PTPA: variants seen among roughly 807,000 people sequenced by gnomAD.
The protein encoded by PTPA is protein phosphatase 2 phosphatase activator, also known as serine/threonine-protein phosphatase 2A activator.
PTPA carries 13 observed loss-of-function variants against 43.6 expected under a neutral mutation model. The ratio of observed to expected loss-of-function variants is 0.30; its 90% CI spans 0.19 to 0.47. The LOEUF (loss-of-function observed/expected upper bound fraction) is 0.47. Ranked by LOEUF, PTPA falls within the 20% of genes least tolerant of loss-of-function variation. The pLI is 0.99. For synonymous variants in PTPA, 172 were observed against 158.2 expected, an observed-to-expected ratio of 1.09 and a Z score of -0.66; for missense variants, 329 against 411.9, an observed-to-expected ratio of 0.80 and a Z score of 1.74.
intron 9 of PTPA, among the ~76,000 whole-genome samples, chr9:129,146,843 C>T (rs936004398): frequency 6.6e-6 from 1 of 152,220 alleles, no homozygotes; most frequent in South Asian, 2.1e-4. Flanking sequence ...TCTTTTTCCC[C>T]TGCCCCCCAC....
intron 1 of PTPA, among the ~76,000 whole-genome samples, chr9:129,117,676 A>G (rs1231494830): frequency 6.8e-6 from 1 of 147,496 alleles, no homozygotes; most frequent in Non-Finnish European, 1.5e-5. Context: ...AAGTGTTGGG[A>G]TTACAGGTGT....
Position 129,136,523 on chromosome 9 carries a change from G to C in PTPA, c.613G>C (p.Gly205Arg). The C allele has an allele frequency of 6.2e-7, 1 of 1,613,912 alleles. No homozygotes were observed. The highest frequency in any genetic ancestry group is 8.5e-7 in the Non-Finnish European group (1 of 1,179,866). ...LQKTYRMEPA[G>R]SQGVWGLDDF... ...GAAAACATACAGGATGGAGCCAGCC[G>C]GCAGCCAGGGAGTGTGGGGTCTGGA... The change falls in exon 7 of 10, where the codon GGC (glycine) becomes CGC (arginine). Residue 205 changes from glycine to arginine, a missense_variant. By Grantham distance (125) the Gly-to-Arg change is moderately radical. Transcript: ENST00000393370.
chr9:129,141,823 G>GC (rs1159000843), intron 8 of PTPA: 1 of 152,298 alleles, frequency 6.6e-6, no homozygotes, highest in African/African-American at 2.4e-5. Flanking sequence ...TGCATGGCAG[G>GC]CAGAGGGCTG....
chr9:129,146,685 C>G (rs1401887413), intron 9 of PTPA, among the ~76,000 whole-genome samples: 1 of 152,204 alleles, frequency 6.6e-6, no homozygotes, highest in African/African-American at 2.4e-5. Context: ...CAGCTGGAAG[C>G]TGGGGTTGGC....
intron 3 of PTPA, among the ~76,000 whole-genome samples, chr9:129,126,819 G>A (rs1016732479): frequency 6.6e-6 from 1 of 152,092 alleles, no homozygotes; most frequent in Admixed American, 6.6e-5. Flanking sequence ...CATTCAAAAA[G>A]CCCTCTCCTG....
intron 5 of PTPA, among the ~76,000 whole-genome samples, chr9:129,134,296 CTTTTTTTTTTTTTT>C (rs68089837): frequency 3.5e-5 from 2 of 56,888 alleles, no homozygotes; most frequent in Admixed American, 2.7e-4. Flanking sequence ...ACTGGTAGTT[CTTTTTTTTTTTTTT>C]TTTTTTTTTT....
intron 3 of PTPA, among the ~76,000 whole-genome samples, chr9:129,127,752 C>T (rs1849673614): frequency 6.6e-6 from 1 of 152,160 alleles, no homozygotes; most frequent in African/African-American, 2.4e-5. Flanking sequence ...AACTCTGCCA[C>T]CCTACAAAGC....
intron 1 of PTPA, chr9:129,119,788 G>T (rs10819469): frequency 0.69 from 105,374 of 152,022 alleles, 36,646 homozygotes; most frequent in Non-Finnish European, 0.7. Flanking sequence ...TCTGCTCTGG[G>T]GGGGAGAGGG....
In PTPA at chr9:129,141,549, G is replaced by C. The variant is rs568750106; in HGVS notation, c.787-896G>C. The C allele has an allele frequency of 3.9e-5, 6 of 152,432 alleles. No homozygotes were observed. In the South Asian group the frequency reaches 8.3e-4, roughly 21 times the overall value. The allele number at this position is 152,432 out of a possible 1,614,324, so 9.4% of individuals were successfully genotyped here. On this transcript the variant is annotated intron_variant, in intron 8 of 9. Transcript: ENST00000393370. ...TAATAAATACAAATGTGCTGGACTT[G>C]CGGTGTCAGGGGGATATGCTCAGGC...
chr9:129,145,592 C>T (rs1169051029), intron 9 of PTPA, among the ~76,000 whole-genome samples: 1 of 152,090 alleles, frequency 6.6e-6, no homozygotes, highest in East Asian at 1.9e-4. Flanking sequence ...GGGGAGTCAG[C>T]CTCCTGGGCT....
At position 129,142,948 on chromosome 9, in the gene PTPA, G is replaced by A. The variant is rs932069689; in HGVS notation, c.894+396G>A. 19 of 1,412,322 alleles carry A rather than the reference G, an allele frequency of 1.3e-5. No individual in the cohort carries two copies. The Admixed American group carries it at 5.2e-4, about 39-fold the overall frequency. The allele number at this position is 1,412,322 out of a possible 1,614,324, so 87.5% of individuals were successfully genotyped here. ...CTGGGAAGGGTCTTACCCTTTGGAG[G>A]CATCTCCAAAGTGCTGCCTTCAAAT... On this transcript the variant is annotated intron_variant, in intron 9 of 9. Coordinates refer to ENST00000393370, the MANE Select transcript of PTPA (RefSeq NM_178000.3).
At chr9:129,142,805 G>C in intron 9 of PTPA, 3 of 1,535,684 alleles carry the variant, frequency 2.0e-6, no homozygotes, top group Non-Finnish European at 2.6e-6. Context: ...CTTGGAGGCT[G>C]AGGCAAGGAC....
chr9:129,142,254 T>C (rs1189244711), intron 8 of PTPA, 191 bp from the exon 9 acceptor site: 2 of 480,738 alleles, frequency 4.2e-6, no homozygotes, highest in East Asian at 3.3e-5. Flanking sequence ...GGCACTTGCA[T>C]GTGCCTGTTT....
chr9:129,127,877 T>A, intron 3 of PTPA: 1 of 896,298 alleles, frequency 1.1e-6, no homozygotes, highest in South Asian at 1.4e-5. Flanking sequence ...CATTTAACAG[T>A]GAGGAATTAA....
intron 9 of PTPA, 79 bp from the exon 10 acceptor site, chr9:129,147,308 G>A: frequency 7.0e-7 from 1 of 1,435,616 alleles, no homozygotes; most frequent in South Asian, 1.2e-5. Flanking sequence ...GGACACCTGG[G>A]AGCTGCTGCG....
chr9:129,121,014 C>T (rs377193817), intron 2 of PTPA, among the ~76,000 whole-genome samples: 1 of 152,160 alleles, frequency 6.6e-6, no homozygotes, highest in Admixed American at 6.5e-5. Context: ...AAACTTTGGC[C>T]AGGGATATGG....
chr9:129,129,660 G>A (rs183687032), intron 4 of PTPA, among the ~76,000 whole-genome samples: 4 of 151,946 alleles, frequency 2.6e-5, no homozygotes, highest in East Asian at 3.9e-4. Context: ...TCGTAGAGAC[G>A]GGGTTTCACC....
chr9:129,130,583 G>C (rs990186661), intron 4 of PTPA, among the ~76,000 whole-genome samples: 8 of 152,022 alleles, frequency 5.3e-5, no homozygotes, highest in African/African-American at 1.7e-4. Context: ...AGTAGAGACG[G>C]GGTTTCATCA....
chr9:129,127,985 G>GT (rs1849690274), intron 3 of PTPA: 1 of 1,340,184 alleles, frequency 7.5e-7, no homozygotes, highest in African/African-American at 1.5e-5. Context: ...GGTTCATGAG[G>GT]AAAAGGAGCA....
Sources: gnomAD v4.1 joint callset for allele counts (sites outside exome capture counted in the v4.1 genomes callset) on GRCh38, gnomAD v4.1.1 for gene constraint, MANE v1.5 for transcripts, NCBI Gene and HGNC (gene_info 2026-07-23, HGNC 2026-07-21) for gene names.